The following CWH43 variants were observed in gnomAD, a reference collection of about 807,000 sequenced individuals.
The protein encoded by CWH43 is cell wall biogenesis 43 C-terminal homolog, also known as PGAP2-interacting protein.
CWH43 carries 91 observed loss-of-function variants against 85.7 expected under a neutral mutation model. That is an observed-to-expected ratio of 1.06 (90% confidence interval 0.90 to 1.26). CWH43 has a LOEUF of 1.26. CWH43 is among the 50% of genes most tolerant of loss of function. The pLI is 0.00. For missense variants in CWH43, 869 were observed against 839.2 expected (o/e 1.04, Z -0.44); for synonymous variants, 323 against 293.6 (o/e 1.10, Z -1.02).
In CWH43 at chr4:49,028,748, G is replaced by A. The variant is rs756956071; in HGVS notation, c.1372+14G>A. ...TCAATGAAACAGGTAAGTCTTCCTGGAATTAGTTCCAGGTTTTGAGAAACT... is the reference window on the plus strand; with the variant it reads ...TCAATGAAACAGGTAAGTCTTCCTGAAATTAGTTCCAGGTTTTGAGAAACT... On this transcript the variant is annotated intron_variant, in intron 10 of 15. Coordinates refer to ENST00000226432, the MANE Select transcript of CWH43 (RefSeq NM_025087.3). 9.8e-6 allele frequency: 15 copies of A among 1,523,802 alleles called. No individual in the cohort carries two copies. Among genetic ancestry groups the A allele is most frequent in the Non-Finnish European group, 1.4e-5 (15 of 1,101,394 alleles). The allele number at this position is 1,523,802 out of a possible 1,614,324, so 94.4% of individuals were successfully genotyped here. A position where few individuals can be genotyped will look rare whatever the true frequency, so the allele number is the denominator to read the frequency against.
chr4:49,026,872 A>C (rs978983493), intron 9 of CWH43, among the ~76,000 whole-genome samples: 2 of 152,238 alleles, frequency 1.3e-5, no homozygotes, highest in African/African-American at 4.8e-5. Flanking sequence ...TCTTCTTAAC[A>C]TAATGCCTTC....
chr4:49,015,029 C>G (rs1783495624), intron 8 of CWH43, among the ~76,000 whole-genome samples: 1 of 152,246 alleles, frequency 6.6e-6, no homozygotes, highest in South Asian at 2.1e-4. Flanking sequence ...TGTGCCTCAC[C>G]TAATCATCGA....
At chr4:48,986,548 A>G (rs1782501375) in intron 1 of CWH43, 76 bp downstream of exon 1, 3 of 1,541,822 alleles carry the variant, frequency 1.9e-6, no homozygotes, top group South Asian at 2.4e-5. Context: ...GAGCCAGGCC[A>G]GGTTGGCTGA....
At chr4:49,004,392 C>T (rs1232111384) in intron 7 of CWH43, among the ~76,000 whole-genome samples, 8 of 152,000 alleles carry the variant, frequency 5.3e-5, no homozygotes, top group Non-Finnish European at 1.2e-4. Context: ...TTTTGGGGTT[C>T]CCCTGAATTT....
intron 9 of CWH43, among the ~76,000 whole-genome samples, chr4:49,022,529 G>A (rs1240699461): frequency 1.3e-5 from 2 of 151,930 alleles, no homozygotes; most frequent in Non-Finnish European, 2.9e-5. Context: ...TACATCCTTT[G>A]CTAGTTTTGG....
intron 5 of CWH43, among the ~76,000 whole-genome samples, chr4:48,997,006 A>G (rs762415508): frequency 6.6e-6 from 1 of 152,190 alleles, no homozygotes; most frequent in African/African-American, 2.4e-5. Context: ...GTGCATTTCA[A>G]TCTCCCTTTC....
chr4:48,994,890 A>G, intron 5 of CWH43, 70 bp downstream of exon 5: 1 of 1,237,846 alleles, frequency 8.1e-7, no homozygotes, highest in Admixed American at 1.7e-5. Flanking sequence ...CTCCTTTGTC[A>G]GACAGCTAGG....
rs1467586507 is a variant in CWH43 at position 49,052,153 on chromosome 4, T to C, written c.2021+1304T>C. Among the ~76,000 whole-genome samples the C allele has an allele frequency of 2.6e-5, 4 of 152,304 alleles. No homozygotes were observed. In the East Asian group the frequency reaches 7.7e-4, roughly 29 times the overall value. ...AAAAATTGTACCAAAGTGTAGGTGA[T>C]GAATATGAGGAGAGTTATCACCAAG... On this transcript the variant is annotated intron_variant, in intron 15 of 15. Coordinates refer to ENST00000226432, the MANE Select transcript of CWH43 (RefSeq NM_025087.3).
intron 14 of CWH43, 130 bp downstream of exon 14, chr4:49,044,977 T>C (rs1784578430): frequency 1.5e-6 from 1 of 668,440 alleles, no homozygotes; most frequent in Non-Finnish European, 2.6e-6. Flanking sequence ...AATCAATGTT[T>C]ATAAACATTG....
intron 13 of CWH43, among the ~76,000 whole-genome samples, chr4:49,042,646 T>C (rs1408122306): frequency 6.6e-6 from 1 of 152,032 alleles, no homozygotes; most frequent in Non-Finnish European, 1.5e-5. Context: ...AAGTGCAAAT[T>C]AGAGTGCTAG....
At chr4:49,031,997 G>C (rs1202086971) in intron 11 of CWH43, among the ~76,000 whole-genome samples, 1 of 152,194 alleles carries the variant, frequency 6.6e-6, no homozygotes. Context: ...GACAGACCAG[G>C]CTGGAGATGT....
At chr4:49,015,931 G>A (rs1446361125) in intron 8 of CWH43, among the ~76,000 whole-genome samples, 2 of 151,862 alleles carry the variant, frequency 1.3e-5, no homozygotes, top group African/African-American at 4.8e-5. Flanking sequence ...TTTTATTTCT[G>A]TAAATATAAT....
rs1326381494 is a variant in CWH43 at position 49,011,330 on chromosome 4, G to T, written c.1186+4004G>T. On this transcript the variant is annotated intron_variant, in intron 8 of 15. Coordinates refer to ENST00000226432, the MANE Select transcript of CWH43 (RefSeq NM_025087.3). ...TTTTTTTTTGCTTTCCATTTGCTTGGTAGATCTTCCTCCATCCCTTTATTT... is the reference window on the plus strand; with the variant it reads ...TTTTTTTTTGCTTTCCATTTGCTTGTTAGATCTTCCTCCATCCCTTTATTT... Among the ~76,000 whole-genome samples, 5 of 152,028 alleles carry T rather than the reference G, an allele frequency of 3.3e-5. No homozygotes were observed. The South Asian group carries it at 1.0e-3, about 32-fold the overall frequency.
chr4:48,988,729 T>C (rs1381723987), intron 2 of CWH43, 61 bp downstream of exon 2: 37 of 1,034,462 alleles, frequency 3.6e-5, no homozygotes, highest in Admixed American at 2.4e-4. Context: ...AGTGAGATTA[T>C]GTAGACTGTT....
At chr4:49,039,667 A>G (rs1373036804) in intron 13 of CWH43, among the ~76,000 whole-genome samples, 1 of 151,606 alleles carries the variant, frequency 6.6e-6, no homozygotes, top group Non-Finnish European at 1.5e-5. Flanking sequence ...CAGGTTAAAG[A>G]GCATGGCATG....
At chr4:49,045,783 C>A (rs528139607) in intron 14 of CWH43, among the ~76,000 whole-genome samples, 2 of 152,038 alleles carry the variant, frequency 1.3e-5, no homozygotes, top group East Asian at 1.9e-4. Context: ...TGGGGGGGTA[C>A]AATGTGGTAT....
rs1341976886 is a variant in CWH43, at chr4:49,003,958, T to G, written c.1026T>G (p.Gly342=). 1.2e-6 allele frequency: 2 copies of G among 1,612,972 alleles called. No homozygotes were observed. Among genetic ancestry groups the G allele is most frequent in the African/African-American group, 2.7e-5 (2 of 74,878 alleles). ...WCTAFKFVPG[G]VYARERSDVL... ...CAGCTTTTAAGTTTGTCCCAGGAGGTGTCTACGCTAGAGAAAGATCAGATG... is the reference window on the plus strand; with the variant it reads ...CAGCTTTTAAGTTTGTCCCAGGAGGGGTCTACGCTAGAGAAAGATCAGATG... Residue 342 remains glycine, a synonymous_variant, in exon 7 of 16, where the codon GGT becomes GGG. Transcript: ENST00000226432.
At chr4:49,012,726 A>G (rs1452024696) in intron 8 of CWH43, among the ~76,000 whole-genome samples, 3 of 152,198 alleles carry the variant, frequency 2.0e-5, no homozygotes, top group Non-Finnish European at 2.9e-5. Flanking sequence ...TCTAACAGTC[A>G]GGTCCTTTAG....
Position 48,987,228 on chromosome 4 carries a change from T to C in CWH43, c.43+756T>C, listed in dbSNP as rs571551798. Among the ~76,000 whole-genome samples, 47 of 152,230 alleles carry C rather than the reference T, an allele frequency of 3.1e-4. 1 individual carries two copies. The highest frequency in any genetic ancestry group is 1.1e-3 in the African/African-American group (44 of 41,538). On this transcript the variant is annotated intron_variant, in intron 1 of 15. Transcript: ENST00000226432. ...TAATTCTCGGGAGTGCTTCAGACTATTTTTTTCTGGCTCAGCCTGTATCTA... is the reference window on the plus strand; with the variant it reads ...TAATTCTCGGGAGTGCTTCAGACTACTTTTTTCTGGCTCAGCCTGTATCTA...
Sources: gnomAD v4.1 joint callset for allele counts (sites outside exome capture counted in the v4.1 genomes callset) on GRCh38, gnomAD v4.1.1 for gene constraint, MANE v1.5 for transcripts, NCBI Gene and HGNC (gene_info 2026-07-23, HGNC 2026-07-21) for gene names.